The following MORC1 variants were observed in gnomAD, a reference collection of about 807,000 sequenced individuals.
MORC1 encodes the protein MORC family CW-type zinc finger protein 1.
A neutral mutation model predicts 134.9 loss-of-function variants in MORC1; 59 were observed. The observed-to-expected ratio is 0.44, with a 90% CI of 0.35 to 0.54. MORC1 has a LOEUF of 0.54. Among genes scored for constraint, MORC1 ranks in the 20% least tolerant of loss-of-function variants. The pLI, the probability that MORC1 is intolerant of heterozygous loss-of-function variation, is 0.00. For missense variants in MORC1, 947 were observed against 1,134.5 expected (o/e 0.83, Z 2.37); for synonymous variants, 395 against 391.7 (o/e 1.01, Z -0.10).
At chr3:109,067,645 G>A (rs1329797254) in intron 9 of MORC1, among the ~76,000 whole-genome samples, 1 of 152,088 alleles carries the variant, frequency 6.6e-6, no homozygotes, top group Non-Finnish European at 1.5e-5. Context: ...GGAGACACTT[G>A]GCGCTTCCCA....
chr3:109,062,064 A>G lies in MORC1; in HGVS notation c.896-6T>C. 6.2e-7 allele frequency: 1 copy of G among 1,613,866 alleles called. No individual in the cohort carries two copies. The highest frequency in any genetic ancestry group is 1.3e-5 in the African/African-American group (1 of 75,062). On this transcript the variant is annotated splice_polypyrimidine_tract_variant and splice_region_variant and intron_variant, in intron 10 of 27. Transcript: ENST00000232603. ...TTCTTTCAATATGGATTCAGCTGGAAGTAGAAGCCAAATAGTTATAACACA... is the reference window on the plus strand; with the variant it reads ...TTCTTTCAATATGGATTCAGCTGGAGGTAGAAGCCAAATAGTTATAACACA...
chr3:109,104,447 T>C (rs1034251716), intron 3 of MORC1, among the ~76,000 whole-genome samples: 24 of 152,232 alleles, frequency 1.6e-4, no homozygotes, highest in African/African-American at 5.8e-4. Context: ...CACTTAATTT[T>C]TGAAAATGGC....
chr3:108,989,387 C>T (rs1298920103), intron 21 of MORC1, among the ~76,000 whole-genome samples: 1 of 152,142 alleles, frequency 6.6e-6, no homozygotes, highest in East Asian at 1.9e-4. Context: ...GAGTTTAAGA[C>T]ATCTTAATTA....
intron 13 of MORC1, among the ~76,000 whole-genome samples, chr3:109,055,633 T>A (rs1000936155): frequency 1.2e-4 from 18 of 152,192 alleles, no homozygotes; most frequent in African/African-American, 4.3e-4. Flanking sequence ...CCCTCCTAAA[T>A]GCTCTTTTTG....
intron 8 of MORC1, among the ~76,000 whole-genome samples, chr3:109,076,891 G>A (rs1003313972): frequency 1.3e-5 from 2 of 151,640 alleles, no homozygotes; most frequent in Non-Finnish European, 2.9e-5. Flanking sequence ...ACAGGTTGAT[G>A]GGTGCAGCAA....
intron 20 of MORC1, among the ~76,000 whole-genome samples, chr3:109,002,264 C>T (rs898341049): frequency 1.3e-5 from 2 of 152,152 alleles, no homozygotes; most frequent in Non-Finnish European, 2.9e-5. Context: ...GAAAACACAA[C>T]GCAGTCAGGC....
intron 21 of MORC1, among the ~76,000 whole-genome samples, chr3:108,993,896 C>A (rs1264441977): frequency 6.6e-6 from 1 of 152,082 alleles, no homozygotes; most frequent in Non-Finnish European, 1.5e-5. Flanking sequence ...AGTTGTTTTT[C>A]ATTTGTTTTG....
At chr3:109,069,837 T>C in intron 8 of MORC1, 80 bp from the exon 9 acceptor site, 2 of 1,434,092 alleles carry the variant, frequency 1.4e-6, no homozygotes, top group Non-Finnish European at 1.9e-6. Context: ...CATCAGACTA[T>C]CAGGTTATTA....
intron 16 of MORC1, among the ~76,000 whole-genome samples, chr3:109,029,669 C>T (rs756791854): frequency 1.2e-4 from 19 of 152,136 alleles, no homozygotes; most frequent in Non-Finnish European, 2.2e-4. Context: ...TCCCTCTGTG[C>T]TTGAAGTGGA....
chr3:108,985,997 G>A (rs957141881), intron 22 of MORC1, among the ~76,000 whole-genome samples: 1 of 152,038 alleles, frequency 6.6e-6, no homozygotes, highest in Non-Finnish European at 1.5e-5. Context: ...TAGCTGATTA[G>A]GTTACCTAAG....
intron 2 of MORC1, among the ~76,000 whole-genome samples, chr3:109,114,008 T>C (rs72937320): frequency 0.05 from 7,595 of 152,292 alleles, 566 homozygotes; most frequent in African/African-American, 0.16. Flanking sequence ...AAGAGATCAA[T>C]AAGTTAGCTA....
chr3:109,034,096 T>A (rs1949313973), intron 15 of MORC1, among the ~76,000 whole-genome samples: 1 of 152,156 alleles, frequency 6.6e-6, no homozygotes, highest in African/African-American at 2.4e-5. Context: ...CACACCTTCA[T>A]TCAGACATTT....
At chr3:109,040,710 A>C (rs555948445) in intron 14 of MORC1, among the ~76,000 whole-genome samples, 84 of 151,234 alleles carry the variant, frequency 5.6e-4, no homozygotes, top group African/African-American at 2.0e-3. Flanking sequence ...CACACCTGTA[A>C]TCCCAACTAC....
intron 8 of MORC1, among the ~76,000 whole-genome samples, chr3:109,078,653 C>A (rs1405965443): frequency 1.3e-5 from 2 of 151,392 alleles, no homozygotes; most frequent in Non-Finnish European, 3.0e-5. Flanking sequence ...GAAAAATAAA[C>A]AAATCCAAAA....
chr3:109,045,445 C>T (rs1490319342), intron 14 of MORC1, among the ~76,000 whole-genome samples: 2 of 152,156 alleles, frequency 1.3e-5, no homozygotes, highest in African/African-American at 4.8e-5. Flanking sequence ...AAACTGGTTT[C>T]AATTGATAAT....
intron 21 of MORC1, among the ~76,000 whole-genome samples, chr3:108,987,604 T>C (rs1284690178): frequency 6.6e-6 from 1 of 151,804 alleles, no homozygotes; most frequent in East Asian, 1.9e-4. Flanking sequence ...GGATATGTGC[T>C]GGTGTGCGAT....
Position 109,005,050 on chromosome 3 carries a change from A to G in MORC1, c.2013+20T>C, listed in dbSNP as rs1033803385. On this transcript the variant is annotated intron_variant, in intron 19 of 27. Transcript: ENST00000232603. ...CCAGAATGAGTGAATTGTTTTGTGA[A>G]TAAGAAACAATAATAATACCTGGGA... 6 of 1,596,032 alleles carry G rather than the reference A, an allele frequency of 3.8e-6. No homozygotes were observed. The South Asian group carries it at 5.7e-5, about 15-fold the overall frequency.
At chr3:108,988,042 A>T (rs1947943109) in intron 21 of MORC1, among the ~76,000 whole-genome samples, 1 of 152,092 alleles carries the variant, frequency 6.6e-6, no homozygotes, top group Admixed American at 6.5e-5. Flanking sequence ...CTCATTGTGG[A>T]CATATCTTTC....
chr3:109,100,433 C>T lies in MORC1; in HGVS notation c.298G>A (p.Gly100Ser), dbSNP rs2107778121. ...AATTCTCACCTTTTAAGACCATTGCCGTATTGCCCTATGAACTTCAAGGTT... is the reference window on the plus strand; with the variant it reads ...AATTCTCACCTTTTAAGACCATTGCTGTATTGCCCTATGAACTTCAAGGTT... ...LSTLKFIGQY[G>S]NGLKSGSMRI... The change falls in exon 5 of 28, where the codon GGC (glycine) becomes AGC (serine). Residue 100 changes from glycine to serine, a missense_variant. By Grantham distance (56) the Gly-to-Ser change is moderately conservative. Around this residue, in one of 3 missense-constraint regions of MORC1, gnomAD observed 214 missense variants for 281.3 expected, o/e 0.76. Transcript: ENST00000232603. 1 of 1,612,474 alleles carries T rather than the reference C, an allele frequency of 6.2e-7. No homozygotes were observed. The highest frequency in any genetic ancestry group is 8.5e-7 in the Non-Finnish European group (1 of 1,178,626).
Sources: allele counts gnomAD v4.1 joint callset (sites outside exome capture counted in the v4.1 genomes callset), GRCh38; gene constraint gnomAD v4.1.1; regional missense constraint gnomAD v4.1.1; transcripts MANE v1.5; gene names NCBI Gene and HGNC (gene_info 2026-07-23, HGNC 2026-07-21).